Variants in NTRK3 observed in about 807,000 individuals in gnomAD.
NTRK3 encodes the protein neurotrophic receptor tyrosine kinase 3, also known as NT-3 growth factor receptor.
In NTRK3, 24 loss-of-function variants were observed where a neutral mutation model predicts 91.7. That is an observed-to-expected ratio of 0.26 (90% CI 0.19 to 0.37). NTRK3 has a LOEUF of 0.37. Ranked by LOEUF, NTRK3 falls within the 10% of genes least tolerant of loss-of-function variation. NTRK3 has a pLI of 1.00. For synonymous variants in NTRK3, 483 were observed against 404.0 expected (o/e 1.20, Z -2.34); for missense variants, 880 against 1,068.9 (o/e 0.82, Z 2.46).
intron 13 of NTRK3, among the ~76,000 whole-genome samples, chr15:88,106,462 G>A (rs978057233): frequency 2.6e-5 from 4 of 152,198 alleles, no homozygotes; most frequent in Non-Finnish European, 5.9e-5. Context: ...CACAAGCAAC[G>A]TGAAAAGAAA....
exon 19 of NTRK3, chr15:87,869,221 C>T (rs755907772): frequency 2.2e-5 from 5 of 229,498 alleles, no homozygotes; most frequent in South Asian, 3.6e-4. Flanking sequence ...ATCTCAGCCA[C>T]GGCTCCTCTG....
chr15:88,161,539 G>A (rs896600026), intron 5 of NTRK3, among the ~76,000 whole-genome samples: 1 of 152,192 alleles, frequency 6.6e-6, no homozygotes, highest in African/African-American at 2.4e-5. Context: ...GTCACTGAGA[G>A]GGGAATTGGA....
At chr15:87,932,949 G>C (rs2141952164) in intron 16 of NTRK3, 63 bp downstream of exon 16, 2 of 1,581,252 alleles carry the variant, frequency 1.3e-6, no homozygotes, top group African/African-American at 2.7e-5. Flanking sequence ...TCTGGCTCCA[G>C]GGAAAACCCC....
At chr15:87,996,038 G>T (rs1413696092) in intron 14 of NTRK3, among the ~76,000 whole-genome samples, 1 of 152,108 alleles carries the variant, frequency 6.6e-6, no homozygotes, top group East Asian at 1.9e-4. Flanking sequence ...GAGGTCAGGA[G>T]TTCAAGACCA....
intron 5 of NTRK3, among the ~76,000 whole-genome samples, chr15:88,164,866 G>A (rs1211498019): frequency 6.6e-6 from 1 of 152,036 alleles, no homozygotes; most frequent in East Asian, 1.9e-4. Flanking sequence ...GGCCTCTCTT[G>A]TCCAATTCTG....
chr15:88,226,353 GA>G (rs955731180), intron 3 of NTRK3, among the ~76,000 whole-genome samples: 1 of 152,130 alleles, frequency 6.6e-6, no homozygotes, highest in Admixed American at 6.5e-5. Flanking sequence ...TAGATCCCAG[GA>G]AGTGCCGACT....
chr15:88,073,977 G>T (rs1226890320), intron 13 of NTRK3, among the ~76,000 whole-genome samples: 1 of 152,158 alleles, frequency 6.6e-6, no homozygotes, highest in South Asian at 2.1e-4. Flanking sequence ...GTGGCCTCAG[G>T]TAACTCACCA....
At chr15:87,975,031 G>A (rs747950997) in intron 14 of NTRK3, among the ~76,000 whole-genome samples, 1 of 152,194 alleles carries the variant, frequency 6.6e-6, no homozygotes, top group Non-Finnish European at 1.5e-5. Context: ...GTTTCAAGCT[G>A]TGGAAACCTG....
chr15:87,911,013 T>C (rs993842082), intron 17 of NTRK3, among the ~76,000 whole-genome samples: 6 of 152,028 alleles, frequency 3.9e-5, no homozygotes, highest in Non-Finnish European at 8.8e-5. Context: ...CAGGCAAAGT[T>C]AGAAGGGATA....
rs1596371240 is a variant in NTRK3, at chr15:87,950,977, G to C, written c.1586-10224C>G. Among the ~76,000 whole-genome samples, 3 of 152,308 alleles carry C rather than the reference G, an allele frequency of 2.0e-5. No individual in the cohort carries two copies. The South Asian group carries it at 6.2e-4, about 32-fold the overall frequency. ...ATCCATGTCTTCAGGACAGTTTTTA[G>C]TCTGATATTTGAGAATTCTGATAAC... On this transcript the variant is annotated intron_variant, in intron 14 of 18. Transcript: ENST00000394480.
chr15:88,196,952 C>T (rs1414561364), intron 3 of NTRK3, among the ~76,000 whole-genome samples: 1 of 152,074 alleles, frequency 6.6e-6, no homozygotes, highest in Non-Finnish European at 1.5e-5. Context: ...TGAACTTTCC[C>T]AAACTACCTT....
chr15:87,887,448 T>C (rs746878622), intron 17 of NTRK3, among the ~76,000 whole-genome samples: 1 of 152,206 alleles, frequency 6.6e-6, no homozygotes, highest in Non-Finnish European at 1.5e-5. Context: ...AGCAACAGCC[T>C]GCCTAAAATG....
intron 14 of NTRK3, chr15:87,979,250 C>T: frequency 1.1e-6 from 1 of 943,864 alleles, no homozygotes; most frequent in Non-Finnish European, 1.8e-6. Context: ...CTTAGCATCC[C>T]TGGATCCAAA....
Position 87,866,938 on chromosome 15 carries a change from C to G in NTRK3, c.*9997G>C, listed in dbSNP as rs931797792. 3 of 214,512 alleles carry G rather than the reference C, an allele frequency of 1.4e-5. No homozygotes were observed. The South Asian group carries it at 5.6e-4, about 40-fold the overall frequency. The allele number at this position is 214,512 out of a possible 1,614,324, so 13.3% of individuals were successfully genotyped here. ...TCTATAGAAATATAGCATATCCACT[C>G]TCATAGGGGCCTAGAAAAAATGAAA... On this transcript the variant is annotated 3_prime_UTR_variant, in exon 19 of 19. Coordinates refer to ENST00000394480, the Ensembl canonical transcript of NTRK3.
chr15:88,183,279 T>C (rs1354006772), intron 5 of NTRK3, 139 bp downstream of exon 5: 2 of 791,848 alleles, frequency 2.5e-6, no homozygotes, highest in Non-Finnish European at 4.4e-6. Flanking sequence ...GAGGCAAAAT[T>C]GGAAGCCCAA....
chr15:87,997,255 G>T (rs959556769), intron 14 of NTRK3, among the ~76,000 whole-genome samples: 1 of 152,162 alleles, frequency 6.6e-6, no homozygotes, highest in Non-Finnish European at 1.5e-5. Flanking sequence ...CAATTGGCAT[G>T]AATTACATTC....
At chr15:88,217,050 G>A (rs987935865) in intron 3 of NTRK3, among the ~76,000 whole-genome samples, 3 of 152,156 alleles carry the variant, frequency 2.0e-5, no homozygotes, top group Non-Finnish European at 4.4e-5. Flanking sequence ...TTACGGAAAT[G>A]CACATCAAAA....
At chr15:88,101,217 G>C (rs950462733) in intron 13 of NTRK3, among the ~76,000 whole-genome samples, 4 of 152,198 alleles carry the variant, frequency 2.6e-5, no homozygotes, top group African/African-American at 7.2e-5. Context: ...GATATGAATA[G>C]ACACTTCTCA....
intron 14 of NTRK3, among the ~76,000 whole-genome samples, chr15:87,999,757 T>A (rs746062209): frequency 1.3e-5 from 2 of 152,204 alleles, no homozygotes; most frequent in African/African-American, 4.8e-5. Context: ...ATGAGGAAGA[T>A]GGCACTGGGA....
Sources: gnomAD v4.1 joint callset for allele counts (sites outside exome capture counted in the v4.1 genomes callset) on GRCh38, gnomAD v4.1.1 for gene constraint, MANE v1.5 for transcripts, NCBI Gene and HGNC (gene_info 2026-07-23, HGNC 2026-07-21) for gene names.